The following MGAT4C variants were observed in gnomAD, a reference collection of about 807,000 sequenced individuals.
MGAT4C encodes alpha-1,3-mannosyl-glycoprotein 4-beta-N-acetylglucosaminyltransferase C.
In MGAT4C, 19 loss-of-function variants were observed where a neutral mutation model predicts 40.1. That is an observed-to-expected ratio of 0.47 (90% CI 0.33 to 0.70). The LOEUF (loss-of-function observed/expected upper bound fraction) is 0.70. Ranked by LOEUF, MGAT4C falls within the 30% of genes least tolerant of loss-of-function variation. The pLI, the probability that MGAT4C is intolerant of heterozygous loss-of-function variation, is 0.02. For synonymous variants in MGAT4C, 181 were observed against 187.1 expected, an observed-to-expected ratio of 0.97 and a Z score of 0.27; for missense variants, 491 against 563.2, an observed-to-expected ratio of 0.87 and a Z score of 1.30.
intron 2 of MGAT4C, among the ~76,000 whole-genome samples, chr12:86,707,277 G>T (rs527928909): frequency 2.6e-5 from 4 of 152,280 alleles, no homozygotes; most frequent in Admixed American, 2.6e-4. Flanking sequence ...AGGAAAATGT[G>T]GGAAAGTTTG....
intron 4 of MGAT4C, among the ~76,000 whole-genome samples, chr12:86,274,258 G>A (rs1411031469): frequency 6.6e-6 from 1 of 152,102 alleles, no homozygotes; most frequent in Non-Finnish European, 1.5e-5. Context: ...CTTCCTACCA[G>A]GTTCCACTTC....
chr12:86,362,638 T>C (rs917019208), intron 3 of MGAT4C, among the ~76,000 whole-genome samples: 13 of 151,864 alleles, frequency 8.6e-5, no homozygotes, highest in Admixed American at 3.3e-4. Flanking sequence ...ATTAAAAGAA[T>C]GTGAGGGTGC....
intron 1 of MGAT4C, among the ~76,000 whole-genome samples, chr12:86,054,819 G>T (rs536461942): frequency 3.3e-5 from 5 of 151,748 alleles, no homozygotes; most frequent in Admixed American, 2.6e-4. Flanking sequence ...TGAAGTGTGG[G>T]CCTCTCATTT....
intron 2 of MGAT4C, among the ~76,000 whole-genome samples, chr12:86,440,361 G>T (rs2136277370): frequency 6.6e-6 from 1 of 151,690 alleles, no homozygotes; most frequent in Admixed American, 6.6e-5. Context: ...CACAAAAACA[G>T]AATTAAAAAC....
intron 2 of MGAT4C, among the ~76,000 whole-genome samples, chr12:85,999,610 C>T (rs1044062283): frequency 5.2e-4 from 69 of 133,000 alleles, no homozygotes; most frequent in African/African-American, 1.8e-3. Context: ...TATATATATA[C>T]ATACACAATG....
At chr12:86,041,192 G>C (rs1248052800) in intron 2 of MGAT4C, among the ~76,000 whole-genome samples, 4 of 151,358 alleles carry the variant, frequency 2.6e-5, no homozygotes, top group African/African-American at 9.7e-5. Context: ...ATTTCTGATT[G>C]TGTTTATTTG....
intron 1 of MGAT4C, among the ~76,000 whole-genome samples, chr12:86,126,005 A>G (rs956020643): frequency 1.3e-5 from 2 of 152,012 alleles, no homozygotes; most frequent in African/African-American, 4.8e-5. Context: ...ATTATGTAAC[A>G]CACAAGATTG....
intron 2 of MGAT4C, among the ~76,000 whole-genome samples, chr12:86,450,320 G>GA (rs1301670475): frequency 6.6e-6 from 1 of 152,034 alleles, no homozygotes; most frequent in Non-Finnish European, 1.5e-5. Flanking sequence ...ATTTGTTAGT[G>GA]AAGTGCTTAG....
At chr12:86,690,125 C>G (rs1950149121) in intron 2 of MGAT4C, among the ~76,000 whole-genome samples, 1 of 152,118 alleles carries the variant, frequency 6.6e-6, no homozygotes, top group African/African-American at 2.4e-5. Flanking sequence ...TAGGGGAAAA[C>G]CGCCTACTGA....
intron 1 of MGAT4C, among the ~76,000 whole-genome samples, chr12:86,104,218 A>T (rs1442668386): frequency 6.6e-6 from 1 of 151,456 alleles, no homozygotes; most frequent in African/African-American, 2.4e-5. Flanking sequence ...AGCCCAGGAG[A>T]TACAGACAAG....
chr12:86,613,353 C>T lies in MGAT4C; in HGVS notation c.-229+113856G>A, dbSNP rs140963248. 2.2e-3 allele frequency among the ~76,000 whole-genome samples: 333 copies of T among 152,134 alleles called. 2 individuals carry two copies. The highest frequency in any genetic ancestry group is 7.6e-3 in the African/African-American group (315 of 41,516). ...ACACTTGTATTATTCAAAATACCTG[C>T]TTTTATTTTATGTATTTAATCTGTT... is the stretch of plus-strand genomic sequence containing the variant. On this transcript the variant is annotated intron_variant, in intron 2 of 7. Transcript: ENST00000548651.
At chr12:86,632,915 T>C (rs1401055408) in intron 2 of MGAT4C, among the ~76,000 whole-genome samples, 3 of 151,850 alleles carry the variant, frequency 2.0e-5, no homozygotes, top group Non-Finnish European at 4.4e-5. Flanking sequence ...ATAAAAAAAT[T>C]GGAAATTTGT....
At chr12:86,759,544 C>A (rs773412858) in intron 1 of MGAT4C, among the ~76,000 whole-genome samples, 4 of 152,072 alleles carry the variant, frequency 2.6e-5, no homozygotes, top group Non-Finnish European at 4.4e-5. Flanking sequence ...CTTACTAACA[C>A]TTGCTATCTT....
In MGAT4C at chr12:86,005,606, A is replaced by G. The variant is rs377052023; in HGVS notation, c.-6-16054T>C. 2.6e-5 allele frequency among the ~76,000 whole-genome samples: 4 copies of G among 152,316 alleles called. No individual in the cohort carries two copies. The East Asian group carries it at 7.7e-4, about 29-fold the overall frequency. On this transcript the variant is annotated intron_variant, in intron 2 of 4. Transcript: ENST00000611864. ...CTAGCAGGCCCAGGGAAGATGGGCT[A>G]TCTTGGGAACCTCAAGAAGACAGGA...
intron 1 of MGAT4C, among the ~76,000 whole-genome samples, chr12:86,109,610 A>G (rs926781771): frequency 6.6e-6 from 1 of 152,054 alleles, no homozygotes; most frequent in Non-Finnish European, 1.5e-5. Context: ...TAAAGGGATG[A>G]TAACTGTTTA....
intron 2 of MGAT4C, among the ~76,000 whole-genome samples, chr12:86,586,852 G>T (rs569507399): frequency 1.2e-4 from 18 of 151,840 alleles, no homozygotes; most frequent in African/African-American, 4.3e-4. Flanking sequence ...CTGGATATTA[G>T]CCCTTTGTCA....
intron 2 of MGAT4C, among the ~76,000 whole-genome samples, chr12:86,593,976 G>C (rs1961433053): frequency 6.6e-6 from 1 of 152,122 alleles, no homozygotes; most frequent in Admixed American, 6.5e-5. Context: ...AGATAACGAA[G>C]GCAGCAGCCC....
At chr12:86,769,565 C>T (rs184778386) in intron 1 of MGAT4C, among the ~76,000 whole-genome samples, 7 of 152,240 alleles carry the variant, frequency 4.6e-5, no homozygotes, top group East Asian at 1.9e-4. Flanking sequence ...CATATGCACA[C>T]GTATGTTTAT....
intron 3 of MGAT4C, among the ~76,000 whole-genome samples, chr12:86,339,642 T>C (rs569902834): frequency 1.3e-5 from 2 of 152,220 alleles, no homozygotes; most frequent in East Asian, 3.9e-4. Context: ...TCCATACACT[T>C]ACATTATTTA....
Sources: allele counts gnomAD v4.1 joint callset (sites outside exome capture counted in the v4.1 genomes callset), GRCh38; gene constraint gnomAD v4.1.1; transcripts MANE v1.5; gene names NCBI Gene and HGNC (gene_info 2026-07-23, HGNC 2026-07-21).